ALMS1: variants seen among roughly 807,000 people sequenced by gnomAD.
ALMS1 encodes ALMS1 centrosome and basal body associated protein.
In ALMS1, 271 loss-of-function variants were observed where a neutral mutation model predicts 352.2. The observed-to-expected ratio is 0.77, with a 90% CI of 0.70 to 0.85. The LOEUF is 0.85. ALMS1 is among the 40% of genes least tolerant of loss of function. The pLI is 0.00. For synonymous variants in ALMS1, 1,865 were observed against 1,761.2 expected, an observed-to-expected ratio of 1.06 and a Z score of -1.48; for missense variants, 5,445 against 4,870.7, an observed-to-expected ratio of 1.12 and a Z score of -3.51.
chr2:73,603,453 T>G (rs1244680623), intron 21 of ALMS1, 149 bp downstream of exon 21: 8 of 665,636 alleles, frequency 1.2e-5, no homozygotes, highest in Non-Finnish European at 1.0e-5. Context: ...CTTATGGCAC[T>G]GAAAAAAAAA....
At chr2:73,606,422 A>G (rs1400178636) in intron 21 of ALMS1, among the ~76,000 whole-genome samples, 1 of 152,084 alleles carries the variant, frequency 6.6e-6, no homozygotes, top group African/African-American at 2.4e-5. Flanking sequence ...AGCTACTAAT[A>G]CTCTCACCTC....
At chr2:73,568,514 C>T (rs67877078) in intron 15 of ALMS1, among the ~76,000 whole-genome samples, 18,900 of 152,054 alleles carry the variant, frequency 0.12, 1,272 homozygotes, top group East Asian at 0.22. Flanking sequence ...TAAAGTAAAT[C>T]AGTTTAATAT....
At chr2:73,468,294 T>C (rs1012964900) in intron 9 of ALMS1, among the ~76,000 whole-genome samples, 5 of 151,400 alleles carry the variant, frequency 3.3e-5, no homozygotes, top group Non-Finnish European at 5.9e-5. Context: ...AGAAATACAC[T>C]GTATTTATTA....
In ALMS1 at chr2:73,572,296, C is replaced by T; in HGVS notation, c.10419C>T (p.Thr3473=). 6.2e-7 allele frequency: 1 copy of T among 1,608,034 alleles called. No individual in the cohort carries two copies. Among genetic ancestry groups the T allele is most frequent in the Non-Finnish European group, 8.5e-7 (1 of 1,178,056 alleles). The change falls in exon 16 of 23, where the codon ACC becomes ACT. Residue 3473 remains threonine (T), a synonymous_variant. Transcript: ENST00000613296. ...SECHSEFENT[T]RSVFRSAKFY... is the part of the protein sequence containing the mutation. ...GTCATTCAGAATTTGAAAATACTAC[C>T]CGTTCTGTCTTCAGGTCAGCAAAGT... is the stretch of plus-strand genomic sequence containing the variant.
chr2:73,604,828 G>A (rs1268550694), intron 21 of ALMS1, among the ~76,000 whole-genome samples: 2 of 152,162 alleles, frequency 1.3e-5, no homozygotes, highest in Admixed American at 1.3e-4. Context: ...AAGAGAAATG[G>A]GGAGGAGTAA....
In ALMS1 at chr2:73,568,116, A is replaced by G. The variant is rs531509825; in HGVS notation, c.10385-4146A>G. On this transcript the variant is annotated intron_variant, in intron 15 of 22. Coordinates refer to ENST00000613296, the MANE Select transcript of ALMS1 (RefSeq NM_001378454.1). ...AAATGGCCATTAAAGATATGAAGAAATACTTAACTGTCTTAATAAAGAATG... is the reference window on the plus strand; with the variant it reads ...AAATGGCCATTAAAGATATGAAGAAGTACTTAACTGTCTTAATAAAGAATG... Among the ~76,000 whole-genome samples, 3 of 152,318 alleles carry G rather than the reference A, an allele frequency of 2.0e-5. No homozygotes were observed. In the East Asian group the frequency reaches 5.8e-4, roughly 29 times the overall value.
intron 12 of ALMS1, among the ~76,000 whole-genome samples, chr2:73,542,407 A>G (rs1044869713): frequency 6.6e-6 from 1 of 152,220 alleles, no homozygotes; most frequent in African/African-American, 2.4e-5. Context: ...CCCACAGCCA[A>G]TATCATTACT....
At position 73,489,709 on chromosome 2, in the gene ALMS1, A is replaced by G. The variant is rs776783409; in HGVS notation, c.7750A>G (p.Lys2584Glu). The G allele has an allele frequency of 5.0e-6, 8 of 1,614,164 alleles. No homozygotes were observed. The South Asian group carries it at 6.6e-5, about 13-fold the overall frequency. The change falls in exon 10 of 23, where the codon AAG becomes GAG. Residue 2584 changes from lysine (K) to glutamate (E), a missense_variant. By Grantham distance (56) the Lys-to-Glu change is moderately conservative (BLOSUM62 1). Transcript: ENST00000613296. ...CSHIIIESHE[K>E]GCFRTLTSEH... ...TCACATTATTATTGAGAGCCATGAA[A>G]AGGGATGTTTCCGGACTCTAACTTC...
intron 21 of ALMS1, 106 bp downstream of exon 21, chr2:73,603,410 A>G (rs573687670): frequency 2.6e-5 from 26 of 1,019,424 alleles, no homozygotes; most frequent in Non-Finnish European, 3.2e-5. Context: ...TCAAGTTTAA[A>G]CATTATGAGA....
rs17009027 is a variant in ALMS1, at chr2:73,419,351, C to A, written c.646+33C>A. 53 of 1,597,632 alleles carry A rather than the reference C, an allele frequency of 3.3e-5. No homozygotes were observed. In the Admixed American group the frequency reaches 3.8e-4, roughly 12 times the overall value. On this transcript the variant is annotated intron_variant, in intron 3 of 22. Coordinates refer to ENST00000613296, the MANE Select transcript of ALMS1 (RefSeq NM_001378454.1). ...CTGTTTATTTTAACTAGTAGTAATA[C>A]CTCACATTTGTAAGTTTTGCGGGGA...
intron 9 of ALMS1, among the ~76,000 whole-genome samples, chr2:73,488,744 A>T (rs1011392337): frequency 5.3e-5 from 8 of 152,264 alleles, no homozygotes; most frequent in Admixed American, 4.6e-4. Flanking sequence ...AAATATTTTT[A>T]TCTGAAATCA....
intron 7 of ALMS1, among the ~76,000 whole-genome samples, chr2:73,433,503 A>G (rs1671551174): frequency 6.6e-6 from 1 of 152,194 alleles, no homozygotes; most frequent in South Asian, 2.1e-4. Flanking sequence ...GTCAGATTGA[A>G]TAAGTAGATT....
rs377039331 is a variant in ALMS1 at position 73,474,371 on chromosome 2, CTGTG to C, written c.7675-15227_7675-15224del. On this transcript the variant is annotated intron_variant, in intron 9 of 22. Coordinates refer to ENST00000613296, the MANE Select transcript of ALMS1 (RefSeq NM_001378454.1). Reference sequence around the variant, plus strand: ...TTTTACTTTTTAGTGCTTGTTGACTCTGTGTGTGTGTGTGTGTGTGTGTGTGTGT... The same window carrying C: ...TTTTACTTTTTAGTGCTTGTTGACTCTGTGTGTGTGTGTGTGTGTGTGTGT... Among the ~76,000 whole-genome samples, 84 of 95,562 alleles carry C rather than the reference CTGTG, an allele frequency of 8.8e-4. 1 individual carries two copies. The highest frequency in any genetic ancestry group is 1.1e-3 in the Admixed American group (9 of 8,516). The allele number at this position is 95,562 out of a possible 152,430, so 62.7% of individuals were successfully genotyped here. A position where few individuals can be genotyped will look rare whatever the true frequency, so the allele number is the denominator to read the frequency against.
chr2:73,509,134 A>G (rs897468716), intron 10 of ALMS1, among the ~76,000 whole-genome samples: 4 of 151,884 alleles, frequency 2.6e-5, no homozygotes, highest in South Asian at 2.1e-4. Context: ...TTTTGAGCCT[A>G]TGTGTGTCTT....
intron 9 of ALMS1, among the ~76,000 whole-genome samples, chr2:73,487,230 A>C (rs1321735084): frequency 1.3e-5 from 2 of 152,112 alleles, no homozygotes; most frequent in Non-Finnish European, 2.9e-5. Flanking sequence ...TATGTCTTAC[A>C]CCTGCCAAGC....
intron 12 of ALMS1, among the ~76,000 whole-genome samples, chr2:73,542,181 G>A (rs1163598975): frequency 6.6e-6 from 1 of 152,076 alleles, no homozygotes; most frequent in Non-Finnish European, 1.5e-5. Flanking sequence ...TGATGAAGTG[G>A]GCTTCATCCC....
chr2:73,392,266 G>A (rs1426243888), intron 1 of ALMS1, among the ~76,000 whole-genome samples: 43 of 131,512 alleles, frequency 3.3e-4, no homozygotes, highest in African/African-American at 1.1e-3. Flanking sequence ...TTTGATGTGT[G>A]TGTGTGTGTG....
intron 12 of ALMS1, among the ~76,000 whole-genome samples, chr2:73,544,370 T>TG (rs992672143): frequency 5.3e-5 from 8 of 151,326 alleles, no homozygotes; most frequent in African/African-American, 7.3e-5. Context: ...TGTTGTGGGG[T>TG]GGGGGAAGCG....
intron 16 of ALMS1, among the ~76,000 whole-genome samples, chr2:73,597,227 T>C (rs1401570477): frequency 6.6e-6 from 1 of 152,208 alleles, no homozygotes; most frequent in Non-Finnish European, 1.5e-5. Flanking sequence ...TTTCAGGTTG[T>C]CACTTGCTAG....
Sources: allele counts gnomAD v4.1 joint callset (sites outside exome capture counted in the v4.1 genomes callset), GRCh38; gene constraint gnomAD v4.1.1; transcripts MANE v1.5; gene names NCBI Gene and HGNC (gene_info 2026-07-23, HGNC 2026-07-21).